The following CCDC178 variants were observed in gnomAD, a reference collection of about 807,000 sequenced individuals.
The protein encoded by CCDC178 is coiled-coil domain containing 178, also known as coiled-coil domain-containing protein 178.
Under a neutral mutation model 117.4 loss-of-function variants are expected in CCDC178, and 126 were observed. That is an observed-to-expected ratio of 1.07 (90% confidence interval 0.93 to 1.24). The LOEUF is 1.24. CCDC178 is among the 50% of genes most tolerant of loss of function. The pLI is 0.00. For synonymous variants in CCDC178, 283 were observed against 313.4 expected, an observed-to-expected ratio of 0.90 and a Z score of 1.02; for missense variants, 1,030 against 986.9, an observed-to-expected ratio of 1.04 and a Z score of -0.59.
intron 12 of CCDC178, among the ~76,000 whole-genome samples, chr18:33,276,530 C>T (rs564288728): frequency 1.4e-4 from 22 of 152,056 alleles, no homozygotes; most frequent in Non-Finnish European, 2.5e-4. Context: ...GAACTGAGAA[C>T]AAGAATCCAG....
chr18:33,352,491 T>C (rs1428294843), intron 7 of CCDC178, among the ~76,000 whole-genome samples: 1 of 152,136 alleles, frequency 6.6e-6, no homozygotes, highest in Non-Finnish European at 1.5e-5. Context: ...CCTGCTTCCT[T>C]AAGGTATAAA....
chr18:32,977,850 G>C (rs1283368897), intron 21 of CCDC178, among the ~76,000 whole-genome samples: 1 of 152,090 alleles, frequency 6.6e-6, no homozygotes, highest in African/African-American at 2.4e-5. Context: ...ACAAAGATTT[G>C]TTTGCCAAAG....
intron 4 of CCDC178, among the ~76,000 whole-genome samples, chr18:33,396,778 G>T (rs943028178): frequency 3.9e-5 from 6 of 152,138 alleles, no homozygotes; most frequent in Admixed American, 3.3e-4. Context: ...ATGGCATAAA[G>T]AATTGTTCAG....
chr18:33,292,970 A>C (rs559621070), intron 12 of CCDC178, among the ~76,000 whole-genome samples, 189 bp downstream of exon 12: 1 of 152,182 alleles, frequency 6.6e-6, no homozygotes, highest in East Asian at 2.0e-4. Flanking sequence ...GGTTGAGATA[A>C]TAAATGGGTC....
At chr18:33,292,087 T>C (rs2144871420) in intron 12 of CCDC178, among the ~76,000 whole-genome samples, 1 of 151,062 alleles carries the variant, frequency 6.6e-6, no homozygotes, top group South Asian at 2.1e-4. Context: ...TGGTTATATA[T>C]CCAAAGAAAA....
chr18:33,267,251 T>C lies in CCDC178; in HGVS notation c.1223A>G (p.Lys408Arg). 6.2e-7 allele frequency: 1 copy of C among 1,606,096 alleles called. No individual in the cohort carries two copies. The highest frequency in any genetic ancestry group is 2.2e-5 in the East Asian group (1 of 44,640). The change falls in exon 13 of 23, where the codon AAA becomes AGA. Residue 408 changes from lysine to arginine, a missense_variant. Lys to Arg is a conservative substitution (Grantham distance 26). Coordinates refer to ENST00000383096, the MANE Select transcript of CCDC178 (RefSeq NM_001105528.4). The part of the protein sequence containing the change: ...RVYDQLTWKQ[K>R]SHENQYLEAV... The stretch of plus-strand genomic sequence containing the variant: ...TTCCAGATACTGATTTTCATGACTT[T>C]TTTGCTTCCAGGTTAGTTGGTCATA...
At chr18:33,044,047 A>ATGTG (rs374505982) in intron 21 of CCDC178, among the ~76,000 whole-genome samples, 9 of 146,108 alleles carry the variant, frequency 6.2e-5, no homozygotes, top group African/African-American at 1.8e-4. Flanking sequence ...ACACCAGCAT[A>ATGTG]TGTGTGTGTG....
intron 10 of CCDC178, among the ~76,000 whole-genome samples, chr18:33,329,356 T>A (rs1306569040): frequency 6.6e-6 from 1 of 152,214 alleles, no homozygotes; most frequent in Non-Finnish European, 1.5e-5. Flanking sequence ...CTGGGTATCC[T>A]TCTCTTATTT....
chr18:33,056,630 T>G (rs958704872), intron 21 of CCDC178, among the ~76,000 whole-genome samples: 2 of 152,178 alleles, frequency 1.3e-5, no homozygotes, highest in Non-Finnish European at 2.9e-5. Context: ...ATGAAGAAAC[T>G]GGCATAGATT....
intron 9 of CCDC178, among the ~76,000 whole-genome samples, chr18:33,344,803 GC>G (rs2062865618): frequency 8.3e-6 from 1 of 120,844 alleles, no homozygotes; most frequent in Non-Finnish European, 1.7e-5. Flanking sequence ...TGCCTCTAAA[GC>G]ACACACACAC....
chr18:33,403,456 A>C (rs1222742562), intron 3 of CCDC178, among the ~76,000 whole-genome samples: 1 of 151,988 alleles, frequency 6.6e-6, no homozygotes, highest in Admixed American at 6.6e-5. Context: ...TATTATTTTA[A>C]ATGCCCAGTT....
intron 21 of CCDC178, among the ~76,000 whole-genome samples, chr18:33,079,375 T>G (rs2057262088): frequency 6.6e-6 from 1 of 152,166 alleles, no homozygotes; most frequent in African/African-American, 2.4e-5. Flanking sequence ...CAGCAAACAC[T>G]TCATGTTGAA....
chr18:33,365,118 C>T (rs957929875), intron 6 of CCDC178, among the ~76,000 whole-genome samples: 1 of 151,944 alleles, frequency 6.6e-6, no homozygotes, highest in African/African-American at 2.4e-5. Flanking sequence ...ATAGGAACCA[C>T]AGAATAGGAA....
At chr18:33,210,062 T>C (rs1313406216) in intron 20 of CCDC178, among the ~76,000 whole-genome samples, 1 of 152,070 alleles carries the variant, frequency 6.6e-6, no homozygotes, top group African/African-American at 2.4e-5. Context: ...TGCTTCTTGC[T>C]ACTAGCAGCA....
rs1022745197 is a variant in CCDC178 at position 33,042,328 on chromosome 18, A to G, written c.2388+50433T>C. Among the ~76,000 whole-genome samples, 20 of 152,078 alleles carry G rather than the reference A, an allele frequency of 1.3e-4. 1 individual carries two copies. In the South Asian group the frequency reaches 4.1e-3, roughly 32 times the overall value. ...AAAAATATTTAATCTGACTGTATTC[A>G]AACTTTTAGACATGTATTTTAATAT... On this transcript the variant is annotated intron_variant, in intron 21 of 22. Coordinates refer to ENST00000383096, the MANE Select transcript of CCDC178 (RefSeq NM_001105528.4).
chr18:33,369,212 C>A (rs546063869), intron 6 of CCDC178, among the ~76,000 whole-genome samples: 28 of 151,824 alleles, frequency 1.8e-4, no homozygotes, highest in Non-Finnish European at 1.6e-4. Flanking sequence ...ATATTGAGTG[C>A]ATATCATTTG....
At chr18:33,001,956 A>T (rs1445740143) in intron 21 of CCDC178, among the ~76,000 whole-genome samples, 2 of 152,224 alleles carry the variant, frequency 1.3e-5, no homozygotes, top group African/African-American at 2.4e-5. Context: ...ATAGTGATAA[A>T]CAGGTCAATT....
At chr18:33,062,297 C>T (rs979389280) in intron 21 of CCDC178, among the ~76,000 whole-genome samples, 3 of 152,088 alleles carry the variant, frequency 2.0e-5, no homozygotes, top group African/African-American at 7.2e-5. Flanking sequence ...ATAATCTGAC[C>T]ATGTATTGGA....
chr18:33,279,899 ATG>A, intron 12 of CCDC178, among the ~76,000 whole-genome samples: 14 of 152,220 alleles, frequency 9.2e-5, no homozygotes, highest in Admixed American at 9.2e-4. Flanking sequence ...GGCTAGCCAT[ATG>A]TAGAAAGCTG....
Sources: allele counts gnomAD v4.1 joint callset (sites outside exome capture counted in the v4.1 genomes callset), GRCh38; gene constraint gnomAD v4.1.1; transcripts MANE v1.5; gene names NCBI Gene and HGNC (gene_info 2026-07-23, HGNC 2026-07-21).